NXNL2: variants seen among roughly 807,000 people sequenced by gnomAD.
The protein encoded by NXNL2 is nucleoredoxin like 2, also known as nucleoredoxin-like protein 2.
A neutral mutation model predicts 11.1 loss-of-function variants in NXNL2; 7 were observed. The ratio of observed to expected loss-of-function variants is 0.63; its 90% confidence interval spans 0.36 to 1.18. The LOEUF (loss-of-function observed/expected upper bound fraction) is 1.18. NXNL2 is among the 50% of genes most tolerant of loss of function. NXNL2 has a pLI of 0.02. For synonymous variants in NXNL2, 109 were observed against 101.8 expected (o/e 1.07, Z -0.42); for missense variants, 233 against 217.7 (o/e 1.07, Z -0.44).
At chr9:88,584,166 T>C (rs887900717) in exon 2 of NXNL2, 1 of 152,210 alleles carries the variant, frequency 6.6e-6, no homozygotes, top group Admixed American at 6.5e-5. Flanking sequence ...AGCCAGTCTG[T>C]TTTTAGTATT....
At chr9:88,546,182 C>T (rs1268835496), downstream of NXNL2, among the ~76,000 whole-genome samples, 1 of 125,852 alleles carries the variant, frequency 7.9e-6, no homozygotes, top group African/African-American at 3.7e-5. Flanking sequence ...TGTGTGAGAA[C>T]CACAACCACA....
At chr9:88,578,351 G>A (rs1830370580), downstream of NXNL2, among the ~76,000 whole-genome samples, 1 of 152,198 alleles carries the variant, frequency 6.6e-6, no homozygotes, top group African/African-American at 2.4e-5. Context: ...GGAGTGGTCC[G>A]TGACACCTGG....
intron 1 of NXNL2, among the ~76,000 whole-genome samples, chr9:88,553,381 A>C (rs981183094): frequency 1.3e-5 from 2 of 150,860 alleles, no homozygotes; most frequent in Admixed American, 6.6e-5. Flanking sequence ...ACAACAACAA[A>C]AAACCCATGC....
At chr9:88,566,966 TATCTATC>T (rs1350002291) in intron 1 of NXNL2, among the ~76,000 whole-genome samples, 1 of 129,282 alleles carries the variant, frequency 7.7e-6, no homozygotes, top group African/African-American at 3.2e-5. Context: ...ATCTTTCTAT[TATCTATC>T]ATCTATCTAT....
chr9:88,543,559 C>A (rs1321061535), intron 1 of NXNL2, among the ~76,000 whole-genome samples: 1 of 152,204 alleles, frequency 6.6e-6, no homozygotes, highest in Non-Finnish European at 1.5e-5. Flanking sequence ...AGCAACCACA[C>A]CTGGCTGGAA....
intron 1 of NXNL2, among the ~76,000 whole-genome samples, chr9:88,553,528 A>C (rs879810408): frequency 7.9e-5 from 12 of 152,082 alleles, no homozygotes; most frequent in Non-Finnish European, 1.3e-4. Flanking sequence ...GTCTGGTTGA[A>C]TCTGCATCGC....
intron 1 of NXNL2, among the ~76,000 whole-genome samples, chr9:88,563,183 G>A (rs1830110815): frequency 2.0e-5 from 3 of 152,236 alleles, no homozygotes; most frequent in Non-Finnish European, 4.4e-5. Flanking sequence ...ATTCCTGTTT[G>A]TGGTAATGGA....
downstream of NXNL2, among the ~76,000 whole-genome samples, chr9:88,580,363 C>T (rs1259852461): frequency 6.6e-6 from 1 of 152,022 alleles, no homozygotes; most frequent in Non-Finnish European, 1.5e-5. Context: ...CCATGTTGGC[C>T]AGGCTGGTGT....
rs539827688 is a variant in NXNL2, at chr9:88,539,279, C to T, written c.302+3543C>T. ...TGACAGTGCTGGTCAAAGGCTGGTG[C>T]ATGGACCCATGTCAGTTGGGAATCT... On this transcript the variant is annotated intron_variant, in intron 1 of 1. Transcript: ENST00000375854. Among the ~76,000 whole-genome samples the T allele has an allele frequency of 8.9e-4, 135 of 152,310 alleles. 1 individual carries two copies. Among genetic ancestry groups the T allele is most frequent in the Middle Eastern group, 3.4e-3 (1 of 294 alleles).
downstream of NXNL2, among the ~76,000 whole-genome samples, chr9:88,580,646 C>G (rs145686486): frequency 5.3e-4 from 80 of 152,242 alleles, 2 homozygotes; most frequent in East Asian, 0.015. Context: ...CCCAGTTTCC[C>G]CAGTGTTTAC....
intron 2 of NXNL2, among the ~76,000 whole-genome samples, chr9:88,573,861 A>G (rs945321194): frequency 6.6e-6 from 1 of 152,252 alleles, no homozygotes. Context: ...GTCAAAAAGT[A>G]TGTGAAGAAG....
chr9:88,545,327 G>A (rs1470327098), downstream of NXNL2, among the ~76,000 whole-genome samples: 1 of 152,204 alleles, frequency 6.6e-6, no homozygotes, highest in Non-Finnish European at 1.5e-5. Context: ...GTGGCCTCTT[G>A]CTGGCGGTCT....
chr9:88,550,298 CA>C (rs1829911967), intron 1 of NXNL2, among the ~76,000 whole-genome samples: 2 of 152,174 alleles, frequency 1.3e-5, no homozygotes, highest in Non-Finnish European at 2.9e-5. Flanking sequence ...GGAAGGGACA[CA>C]CATCCAAACT....
intron 1 of NXNL2, among the ~76,000 whole-genome samples, chr9:88,542,207 T>C (rs1353590641): frequency 1.3e-5 from 2 of 151,512 alleles, no homozygotes. Flanking sequence ...CACTCCAGCC[T>C]GGGCGACAGA....
intron 1 of NXNL2, among the ~76,000 whole-genome samples, chr9:88,563,666 C>G (rs79643734): frequency 0.033 from 5,091 of 152,158 alleles, 301 homozygotes; most frequent in African/African-American, 0.11. Flanking sequence ...AAGTCCAGTC[C>G]TCTCCCAACC....
chr9:88,535,659 C>G lies in NXNL2; in HGVS notation c.225C>G (p.Ser75Arg), dbSNP rs1260662240. ...TGGTCTTCGTGTCAGCCGACGGCAG[C>G]TCCCAGGAGATGCTGGACTTCATGC... is the stretch of plus-strand genomic sequence containing the variant. Reference protein sequence around the residue: ...FEVVFVSADGSSQEMLDFMRE... With the variant: ...FEVVFVSADGRSQEMLDFMRE... Residue 75 changes from serine (S) to arginine (R), a missense_variant, in exon 1 of 2, where the codon AGC (serine) becomes AGG (arginine). Coordinates refer to ENST00000375854, the MANE Select transcript of NXNL2 (RefSeq NM_001161625.2). 2 of 1,608,164 alleles carry G rather than the reference C, an allele frequency of 1.2e-6. No individual in the cohort carries two copies. The highest frequency in any genetic ancestry group is 3.3e-5 in the Admixed American group (2 of 59,908).
intron 1 of NXNL2, among the ~76,000 whole-genome samples, chr9:88,565,310 G>T (rs1194117060): frequency 3.3e-5 from 5 of 152,194 alleles, no homozygotes; most frequent in African/African-American, 1.2e-4. Context: ...GAATAATGCT[G>T]CAGGGGACAT....
chr9:88,544,879 A>G lies in NXNL2; in HGVS notation c.*332A>G. The G allele has an allele frequency of 9.9e-7, 1 of 1,006,504 alleles. No individual in the cohort carries two copies. Among genetic ancestry groups the G allele is most frequent in the Non-Finnish European group, 1.2e-6 (1 of 841,662 alleles). The allele number at this position is 1,006,504 out of a possible 1,614,324, so 62.3% of individuals were successfully genotyped here. A position where few individuals can be genotyped will look rare whatever the true frequency, so the allele number is the denominator to read the frequency against. ...TTGTACAAGTCTCTTCAGGTAAAAT[A>G]ATATATTTATTGATAACATTTTCTG... is the stretch of plus-strand genomic sequence containing the variant. On this transcript the variant is annotated 3_prime_UTR_variant, in exon 2 of 2. Transcript: ENST00000375854.
Position 88,557,257 on chromosome 9 carries a change from T to G in NXNL2, c.303-13830T>G, listed in dbSNP as rs541589606. ...AACTTTGTACTGTTGGGATAAATTCTCTTTGAACTAGATTCTGAACCTTTT... is the reference window on the plus strand; with the variant it reads ...AACTTTGTACTGTTGGGATAAATTCGCTTTGAACTAGATTCTGAACCTTTT... On this transcript the variant is annotated intron_variant, in intron 1 of 2. Coordinates refer to the NXNL2 transcript ENST00000375855. 5.6e-4 allele frequency among the ~76,000 whole-genome samples: 85 copies of G among 152,294 alleles called. 1 individual carries two copies. Among genetic ancestry groups the G allele is most frequent in the Middle Eastern group, 3.4e-3 (1 of 294 alleles).
Sources: allele counts gnomAD v4.1 joint callset (sites outside exome capture counted in the v4.1 genomes callset), GRCh38; gene constraint gnomAD v4.1.1; transcripts MANE v1.5; gene names NCBI Gene and HGNC (gene_info 2026-07-23, HGNC 2026-07-21).